ZNF483: variants seen among roughly 807,000 people sequenced by gnomAD.
ZNF483 encodes zinc finger protein HIT-10.
Under a neutral mutation model 28.6 loss-of-function variants are expected in ZNF483, and 9 were observed. The ratio of observed to expected loss-of-function variants is 0.32; its 90% CI spans 0.19 to 0.55. ZNF483 has a LOEUF of 0.55. ZNF483 is among the 20% of genes least tolerant of loss of function. ZNF483 has a pLI of 0.93. For synonymous variants in ZNF483, 322 were observed against 306.2 expected (o/e 1.05, Z -0.54); for missense variants, 675 against 871.7 (o/e 0.77, Z 2.84).
intron 5 of ZNF483, among the ~76,000 whole-genome samples, chr9:111,567,105 G>A (rs576731518): frequency 1.1e-4 from 16 of 151,672 alleles, no homozygotes; most frequent in Admixed American, 2.6e-4. Flanking sequence ...AAAAAAAGTC[G>A]GGGGGCGTGG....
intron 2 of ZNF483, among the ~76,000 whole-genome samples, chr9:111,530,576 G>A (rs1273759400): frequency 1.3e-5 from 2 of 151,094 alleles, no homozygotes; most frequent in Non-Finnish European, 3.0e-5. Context: ...CTATCTCCAG[G>A]TAGATAGCAT....
At chr9:111,538,290 A>G (rs1376044070) in intron 5 of ZNF483, among the ~76,000 whole-genome samples, 3 of 152,074 alleles carry the variant, frequency 2.0e-5, no homozygotes, top group Admixed American at 6.6e-5. Flanking sequence ...CAAAGCAGGA[A>G]GACCACTTGA....
At position 111,550,514 on chromosome 9, in the gene ZNF483, A is replaced by G. The variant is rs1385281073; in HGVS notation, c.*7344A>G. 2.0e-5 allele frequency among the ~76,000 whole-genome samples: 3 copies of G among 152,178 alleles called. No individual in the cohort carries two copies. The highest frequency in any genetic ancestry group is 1.9e-4 in the East Asian group (1 of 5,192). ...CTTCACTGAAGGCTGAAATCCACCAATGTTAACTGCAATTTACCACTCAGA... is the reference window on the plus strand; with the variant it reads ...CTTCACTGAAGGCTGAAATCCACCAGTGTTAACTGCAATTTACCACTCAGA... On this transcript the variant is annotated 3_prime_UTR_variant, in exon 6 of 6. Coordinates refer to ENST00000309235, the MANE Select transcript of ZNF483 (RefSeq NM_133464.5).
chr9:111,539,452 T>G, intron 5 of ZNF483: 1 of 455,860 alleles, frequency 2.2e-6, no homozygotes, highest in Non-Finnish European at 4.4e-6. Flanking sequence ...TTAGGAAGTG[T>G]GATTTGATAA....
chr9:111,564,277 T>TTTATTG (rs138247149), intron 5 of ZNF483: 2 of 480,062 alleles, frequency 4.2e-6, no homozygotes, highest in African/African-American at 4.7e-5. Flanking sequence ...AATTTAAACT[T>TTTATTG]TTATTATTAT....
intron 5 of ZNF483, among the ~76,000 whole-genome samples, chr9:111,561,592 T>C (rs1828323304): frequency 6.6e-6 from 1 of 152,194 alleles, no homozygotes; most frequent in South Asian, 2.1e-4. Context: ...TTTCTTCATA[T>C]AAATCTTGCA....
chr9:111,574,602 C>CT, intron 5 of ZNF483: 4 of 588,116 alleles, frequency 6.8e-6, no homozygotes, highest in East Asian at 3.6e-5. Context: ...GAGACTCTGT[C>CT]TTAAAAAAAA....
intron 5 of ZNF483, chr9:111,562,852 G>T (rs1828372756): frequency 5.5e-6 from 5 of 914,806 alleles, no homozygotes; most frequent in Non-Finnish European, 7.2e-6. Context: ...TACAGTGTTT[G>T]GAAAATTTTC....
chr9:111,543,039 C>T lies in ZNF483; in HGVS notation c.2104C>T (p.Arg702Ter). 1.2e-6 allele frequency: 2 copies of T among 1,614,064 alleles called. No homozygotes were observed. Among genetic ancestry groups the T allele is most frequent in the Non-Finnish European group, 1.7e-6 (2 of 1,180,006 alleles). ...TAACTATTGTGGTGCAACCTTTAGT[C>T]GAAGCTCAATCCTTGTAGAACACCT... The part of the protein sequence containing the change: ...ECNYCGATFS[R>*]SSILVEHLKI... Residue 702 changes from arginine (R) to a stop codon, truncating the protein, a stop_gained, in exon 6 of 6, where the codon CGA becomes TGA. Transcript: ENST00000309235. LOFTEE classifies it low-confidence loss of function (END_TRUNC).
At chr9:111,532,081 G>A (rs769617959) in intron 3 of ZNF483, among the ~76,000 whole-genome samples, 9 of 152,298 alleles carry the variant, frequency 5.9e-5, no homozygotes, top group Non-Finnish European at 7.3e-5. Context: ...GGCCGGGGTG[G>A]GAGGATTGCT....
At chr9:111,534,114 A>G (rs1012755941) in intron 4 of ZNF483, 147 bp from the exon 5 acceptor site, 2 of 797,594 alleles carry the variant, frequency 2.5e-6, no homozygotes, top group South Asian at 1.8e-5. Flanking sequence ...ACCTTTTCCC[A>G]TTTTTGTCTC....
At chr9:111,571,340 A>G (rs930138340) in intron 5 of ZNF483, among the ~76,000 whole-genome samples, 1 of 149,662 alleles carries the variant, frequency 6.7e-6, no homozygotes, top group Non-Finnish European at 1.5e-5. Flanking sequence ...TGAAGTCGGA[A>G]GGGGACTGCA....
rs980029870 is a variant in ZNF483, at chr9:111,525,228, G to C, written c.-163G>C. On this transcript the variant is annotated 5_prime_UTR_variant, in exon 1 of 6. Transcript: ENST00000309235. The stretch of plus-strand genomic sequence containing the variant: ...GGACAAGCTTCTGGAAGCTCTTTGC[G>C]GTGGCGTTGGTGCTGTTTGCGGATG... 3 of 152,234 alleles carry C rather than the reference G, an allele frequency of 2.0e-5. No homozygotes were observed. The highest frequency in any genetic ancestry group is 7.2e-5 in the African/African-American group (3 of 41,462). 9.4% of individuals were successfully genotyped at this position (152,234 alleles called of 1,614,324 possible).
Position 111,550,085 on chromosome 9 carries a change from G to A in ZNF483, c.*6915G>A, listed in dbSNP as rs192590768. ...TTTGTGTTGTGTGTTTTTTGTTTTC[G>A]TTTTTGTTTTACTGTCATAGGCTGT... On this transcript the variant is annotated 3_prime_UTR_variant, in exon 6 of 6. Coordinates refer to ENST00000309235, the MANE Select transcript of ZNF483 (RefSeq NM_133464.5). Among the ~76,000 whole-genome samples, 14 of 152,002 alleles carry A rather than the reference G, an allele frequency of 9.2e-5. No homozygotes were observed. In the East Asian group the frequency reaches 2.1e-3, roughly 23 times the overall value.
chr9:111,536,165 A>T (rs1311409693), intron 5 of ZNF483, among the ~76,000 whole-genome samples: 2 of 151,322 alleles, frequency 1.3e-5, no homozygotes, highest in South Asian at 4.2e-4. Flanking sequence ...TACTGGGATT[A>T]CAGGCATGAG....
intron 3 of ZNF483, 72 bp downstream of exon 3, chr9:111,531,035 AT>A: frequency 1.4e-6 from 1 of 691,862 alleles, no homozygotes; most frequent in Admixed American, 2.6e-5. Flanking sequence ...GTATAAAGAT[AT>A]AAAAATAAAA....
intron 5 of ZNF483, among the ~76,000 whole-genome samples, chr9:111,535,272 G>T (rs1827464088): frequency 6.6e-6 from 1 of 152,208 alleles, no homozygotes; most frequent in Non-Finnish European, 1.5e-5. Context: ...ACTAGAGGAC[G>T]TATCGAAACA....
chr9:111,541,933 A>G lies in ZNF483; in HGVS notation c.998A>G (p.Asn333Ser). 6.2e-7 allele frequency: 1 copy of G among 1,614,162 alleles called. No homozygotes were observed. Among genetic ancestry groups the G allele is most frequent in the Non-Finnish European group, 8.5e-7 (1 of 1,180,020 alleles). Residue 333 changes from asparagine to serine, a missense_variant, in exon 6 of 6, where the codon AAT becomes AGT. Asn to Ser is a conservative substitution (Grantham distance 46). Transcript: ENST00000309235. ...VYLRKKSRRY[N>S]ESKKPFSFHS... is the part of the protein sequence containing the mutation. ...TTGAGGAAGAAATCTCGGAGGTATA[A>G]TGAAAGCAAGAAACCCTTCAGTTTT...
chr9:111,558,654 A>T (rs965700149), downstream of ZNF483, among the ~76,000 whole-genome samples: 1 of 152,230 alleles, frequency 6.6e-6, no homozygotes, highest in African/African-American at 2.4e-5. Context: ...TTGCTATTGG[A>T]GTGTCACTAC....
Sources: gnomAD v4.1 joint callset for allele counts (sites outside exome capture counted in the v4.1 genomes callset) on GRCh38, gnomAD v4.1.1 for gene constraint, MANE v1.5 for transcripts, NCBI Gene and HGNC (gene_info 2026-07-23, HGNC 2026-07-21) for gene names.